Variants in EYS observed in about 807,000 individuals in gnomAD.
EYS encodes protein eyes shut homolog.
A neutral mutation model predicts 282.1 loss-of-function variants in EYS; 250 were observed. The ratio of observed to expected loss-of-function variants is 0.89; its 90% confidence interval spans 0.80 to 0.98. EYS has a LOEUF of 0.98. EYS is among the 50% of genes least tolerant of loss of function. The pLI is 0.00. For missense variants in EYS, 4,016 were observed against 3,709.0 expected, an observed-to-expected ratio of 1.08 and a Z score of -2.15; for synonymous variants, 1,355 against 1,282.9, an observed-to-expected ratio of 1.06 and a Z score of -1.20.
chr6:64,129,804 T>C (rs1213891989), intron 31 of EYS, among the ~76,000 whole-genome samples: 5 of 152,228 alleles, frequency 3.3e-5, no homozygotes, highest in African/African-American at 9.6e-5. Flanking sequence ...AATTAATTTT[T>C]GTATAAGGTG....
chr6:64,116,297 A>G (rs1489237183), intron 31 of EYS, among the ~76,000 whole-genome samples: 1 of 152,174 alleles, frequency 6.6e-6, no homozygotes, highest in Non-Finnish European at 1.5e-5. Flanking sequence ...AAACCCCTAT[A>G]TGGCTATCAG....
intron 2 of EYS, among the ~76,000 whole-genome samples, chr6:65,530,886 C>T (rs1767742203): frequency 6.6e-6 from 1 of 151,984 alleles, no homozygotes; most frequent in Admixed American, 6.6e-5. Context: ...ATATTTTTCT[C>T]TTTAAATAAT....
intron 28 of EYS, among the ~76,000 whole-genome samples, chr6:64,395,526 G>A (rs1314907078): frequency 1.8e-4 from 27 of 151,210 alleles, no homozygotes; most frequent in East Asian, 5.9e-4. Flanking sequence ...GTAAACTATC[G>A]CAAGAACAAA....
intron 22 of EYS, among the ~76,000 whole-genome samples, chr6:64,646,230 G>A (rs897065730): frequency 1.8e-4 from 27 of 152,210 alleles, no homozygotes; most frequent in African/African-American, 1.9e-4. Flanking sequence ...GACATATATC[G>A]TATTTATAAC....
chr6:65,369,523 A>C (rs1463402948), intron 8 of EYS, among the ~76,000 whole-genome samples: 1 of 151,124 alleles, frequency 6.6e-6, no homozygotes. Context: ...AGTCTGAAAC[A>C]GTTTTTCTTT....
At chr6:65,380,921 C>A (rs184566911) in intron 8 of EYS, among the ~76,000 whole-genome samples, 1 of 152,152 alleles carries the variant, frequency 6.6e-6, no homozygotes, top group East Asian at 1.9e-4. Context: ...CAACGAGATA[C>A]CATCTCATGC....
intron 41 of EYS, among the ~76,000 whole-genome samples, chr6:63,756,662 G>A (rs1769492639): frequency 6.6e-6 from 1 of 151,904 alleles, no homozygotes; most frequent in African/African-American, 2.4e-5. Context: ...GGAGTGTTGT[G>A]GGAAGTCAGG....
chr6:65,536,937 C>A (rs1011964603), intron 2 of EYS, among the ~76,000 whole-genome samples: 1 of 152,018 alleles, frequency 6.6e-6, no homozygotes, highest in Non-Finnish European at 1.5e-5. Context: ...CATACGGCAA[C>A]GCTAATAACT....
chr6:65,340,298 T>C (rs1433474310), intron 10 of EYS, among the ~76,000 whole-genome samples: 2 of 151,192 alleles, frequency 1.3e-5, no homozygotes, highest in African/African-American at 4.8e-5. Flanking sequence ...TTTGTAATTA[T>C]GTGTTTCCAT....
At chr6:64,334,985 T>A (rs1275243105) in intron 29 of EYS, among the ~76,000 whole-genome samples, 2 of 152,058 alleles carry the variant, frequency 1.3e-5, no homozygotes, top group African/African-American at 4.8e-5. Flanking sequence ...ATCAGAAGCA[T>A]CTAATCCACC....
intron 5 of EYS, among the ~76,000 whole-genome samples, chr6:65,477,864 A>G (rs1319394796): frequency 6.6e-6 from 1 of 152,174 alleles, no homozygotes; most frequent in African/African-American, 2.4e-5. Flanking sequence ...CGTTCTACAC[A>G]TGGCCATAAG....
chr6:64,947,460 C>G (rs1390407034), intron 14 of EYS, among the ~76,000 whole-genome samples: 2 of 151,762 alleles, frequency 1.3e-5, no homozygotes, highest in Non-Finnish European at 2.9e-5. Flanking sequence ...AGAATGAGAG[C>G]CACCTTTTCA....
At chr6:65,066,507 G>A (rs1190254735) in intron 12 of EYS, among the ~76,000 whole-genome samples, 1 of 152,136 alleles carries the variant, frequency 6.6e-6, no homozygotes, top group Non-Finnish European at 1.5e-5. Flanking sequence ...TATTAGGCAT[G>A]TCATCAGAGT....
At chr6:63,959,240 G>A (rs563771640) in intron 35 of EYS, among the ~76,000 whole-genome samples, 35 of 152,160 alleles carry the variant, frequency 2.3e-4, no homozygotes, top group African/African-American at 7.7e-4. Flanking sequence ...AGACATCTAC[G>A]CAGCCAACAA....
At chr6:65,345,364 A>T (rs1454183301) in intron 9 of EYS, among the ~76,000 whole-genome samples, 2 of 151,760 alleles carry the variant, frequency 1.3e-5, no homozygotes, top group Admixed American at 6.6e-5. Flanking sequence ...AGAGTAATTA[A>T]CTCAAACAGG....
intron 8 of EYS, among the ~76,000 whole-genome samples, chr6:65,382,427 C>T (rs9453289): frequency 0.48 from 70,894 of 146,324 alleles, 17,281 homozygotes; most frequent in South Asian, 0.55. Flanking sequence ...GAAATTTCCC[C>T]GTGGATCTAT....
chr6:64,588,392 A>C (rs1196373015), intron 26 of EYS, among the ~76,000 whole-genome samples: 1 of 152,092 alleles, frequency 6.6e-6, no homozygotes, highest in African/African-American at 2.4e-5. Context: ...ATCAATTCAA[A>C]GGACTGGCTT....
chr6:63,720,389 C>A lies in EYS; in HGVS notation c.*207G>T. 1 of 478,410 alleles carries A rather than the reference C, an allele frequency of 2.1e-6. No homozygotes were observed. Among genetic ancestry groups the A allele is most frequent in the South Asian group, 4.9e-5 (1 of 20,520 alleles). The allele number at this position is 478,410 out of a possible 1,614,324, so 29.6% of individuals were successfully genotyped here. A position where few individuals can be genotyped will look rare whatever the true frequency, so the allele number is the denominator to read the frequency against. On this transcript the variant is annotated 3_prime_UTR_variant, in exon 43 of 43. Coordinates refer to ENST00000503581, the MANE Select transcript of EYS (RefSeq NM_001142800.2). The stretch of plus-strand genomic sequence containing the variant: ...GAACTAATGGAGTTAAAACATGAAT[C>A]AAAATATATACAGATAAATTAGATG...
At chr6:64,985,278 A>G (rs1770818375) in intron 14 of EYS, among the ~76,000 whole-genome samples, 1 of 151,562 alleles carries the variant, frequency 6.6e-6, no homozygotes, top group Admixed American at 6.6e-5. Flanking sequence ...TTTGAACTCA[A>G]GTAACAAAAA....
Sources: allele counts gnomAD v4.1 joint callset (sites outside exome capture counted in the v4.1 genomes callset), GRCh38; gene constraint gnomAD v4.1.1; transcripts MANE v1.5; gene names NCBI Gene and HGNC (gene_info 2026-07-23, HGNC 2026-07-21).